IFIH1: variants seen among roughly 807,000 people sequenced by gnomAD.
IFIH1 encodes the protein interferon-induced helicase C domain-containing protein 1.
IFIH1 carries 125 observed loss-of-function variants against 107.4 expected under a neutral mutation model. That is an observed-to-expected ratio of 1.16 (90% CI 1.01 to 1.35). IFIH1 has a LOEUF of 1.35. Among genes scored for constraint, IFIH1 ranks in the 40% most tolerant of loss-of-function variants. The probability of loss-of-function intolerance (pLI) is 0.00; values close to 1 mark genes in which losing one functional copy is unlikely to be tolerated. For missense variants in IFIH1, 1,333 were observed against 1,213.7 expected, an observed-to-expected ratio of 1.10 and a Z score of -1.46; for synonymous variants, 458 against 413.2, an observed-to-expected ratio of 1.11 and a Z score of -1.31.
At chr2:162,289,252 A>G (rs1682953290) in intron 4 of IFIH1, among the ~76,000 whole-genome samples, 1 of 151,800 alleles carries the variant, frequency 6.6e-6, no homozygotes, top group Admixed American at 6.6e-5. Flanking sequence ...TGGATTTTAA[A>G]TTTAAAATAC....
chr2:162,302,928 G>T (rs1210752931), intron 3 of IFIH1, among the ~76,000 whole-genome samples: 1 of 152,184 alleles, frequency 6.6e-6, no homozygotes, highest in Non-Finnish European at 1.5e-5. Context: ...CCATTAAGAT[G>T]TTTGTGAATT....
intron 15 of IFIH1, 22 bp from the exon 16 acceptor site, chr2:162,267,401 A>C: frequency 6.2e-7 from 1 of 1,613,978 alleles, no homozygotes; most frequent in Non-Finnish European, 8.5e-7. Flanking sequence ...AAGAGAGAGC[A>C]AGAGGAAAAT....
chr2:162,276,910 GGGTTTTCA>G lies in IFIH1; in HGVS notation c.2073_2080del (p.Glu692ArgfsTer3). On this transcript the variant is annotated frameshift_variant, in exon 11 of 16. Coordinates refer to ENST00000649979, the MANE Select transcript of IFIH1 (RefSeq NM_022168.4). LOFTEE classifies it high-confidence loss of function. ...GGTCAGCTTTTCATTTTCATATTCT[GGGTTTTCA>G]GCCAGCCTTTTCAACATTTTATTGT... The G allele has an allele frequency of 6.2e-7, 1 of 1,609,368 alleles. No individual in the cohort carries two copies. Among genetic ancestry groups the G allele is most frequent in the Non-Finnish European group, 8.5e-7 (1 of 1,178,416 alleles).
At position 162,317,844 on chromosome 2, in the gene IFIH1, C is replaced by A; in HGVS notation, c.453+11G>T. The A allele has an allele frequency of 6.4e-7, 1 of 1,555,476 alleles. No individual in the cohort carries two copies. Among genetic ancestry groups the A allele is most frequent in the Admixed American group, 1.9e-5 (1 of 51,382 alleles). ...GCCTAAAAGGCTAGCTCCATCTGAA[C>A]AGACACCTACCCGGTTTCTGTCTTC... is the stretch of plus-strand genomic sequence containing the variant. On this transcript the variant is annotated intron_variant, in intron 1 of 15. Transcript: ENST00000649979.
chr2:162,284,468 G>A (rs941518107), intron 5 of IFIH1, among the ~76,000 whole-genome samples: 15 of 151,940 alleles, frequency 9.9e-5, no homozygotes, highest in African/African-American at 3.6e-4. Context: ...AGAGGATGCT[G>A]TATTGTCAGT....
intron 13 of IFIH1, 50 bp downstream of exon 13, chr2:162,272,176 C>A (rs778093176): frequency 1.2e-5 from 18 of 1,465,346 alleles, no homozygotes; most frequent in Non-Finnish European, 1.7e-5. Context: ...ATGGCAACCA[C>A]ATGCCGCCAT....
At chr2:162,273,553 G>A (rs550072028) in intron 12 of IFIH1, among the ~76,000 whole-genome samples, 1 of 152,230 alleles carries the variant, frequency 6.6e-6, no homozygotes, top group South Asian at 2.1e-4. Context: ...AAGCCTTAGG[G>A]TACAGAAATA....
intron 4 of IFIH1, among the ~76,000 whole-genome samples, chr2:162,288,985 T>A (rs1035640888): frequency 2.0e-5 from 3 of 151,290 alleles, no homozygotes; most frequent in African/African-American, 7.3e-5. Context: ...AAGTTCCTTT[T>A]TCCATCTGAG....
chr2:162,284,661 G>T (rs139409390), intron 5 of IFIH1, among the ~76,000 whole-genome samples: 4,500 of 151,960 alleles, frequency 0.03, 402 homozygotes, highest in Admixed American at 0.21. Context: ...GAAAAAATGA[G>T]AATAATAAAG....
Position 162,288,035 on chromosome 2 carries a change from AAC to A in IFIH1, c.1095+98_1095+99del. 7.2e-6 allele frequency: 5 copies of A among 693,722 alleles called. No individual in the cohort carries two copies. In the South Asian group the frequency reaches 9.4e-5, roughly 13 times the overall value. The allele number at this position is 693,722 out of a possible 1,614,324, so 43.0% of individuals were successfully genotyped here. ...CTTATTTTGACATTACTCTTAATTA[AAC>A]TAAACATGTGTGAGTCAATGACACA... On this transcript the variant is annotated intron_variant, in intron 5 of 15. Coordinates refer to ENST00000649979, the MANE Select transcript of IFIH1 (RefSeq NM_022168.4).
In IFIH1 at chr2:162,267,139, T is replaced by C. The variant is rs1265104847; in HGVS notation, c.*61A>G. 1.7e-6 allele frequency: 2 copies of C among 1,184,512 alleles called. No individual in the cohort carries two copies. Among genetic ancestry groups the C allele is most frequent in the Non-Finnish European group, 2.4e-6 (2 of 835,434 alleles). The allele number at this position is 1,184,512 out of a possible 1,614,324, so 73.4% of individuals were successfully genotyped here. ...TCAGTTCTGTAGCATAATGAATACA[T>C]TAATCATAATCATATTAAATGTTTA... On this transcript the variant is annotated 3_prime_UTR_variant, in exon 16 of 16. Coordinates refer to ENST00000649979, the MANE Select transcript of IFIH1 (RefSeq NM_022168.4).
intron 12 of IFIH1, 126 bp from the exon 13 acceptor site, chr2:162,272,513 C>T: frequency 1.3e-6 from 1 of 745,762 alleles, no homozygotes; most frequent in Non-Finnish European, 2.2e-6. Context: ...TGCCAGTCTT[C>T]AAATGGGTAA....
chr2:162,286,284 T>C (rs931174602), intron 5 of IFIH1, among the ~76,000 whole-genome samples: 1 of 151,940 alleles, frequency 6.6e-6, no homozygotes, highest in Middle Eastern at 3.2e-3. Context: ...AATTAGGACT[T>C]CGTGTGGTTG....
At chr2:162,304,698 C>A (rs575513402) in intron 3 of IFIH1, among the ~76,000 whole-genome samples, 3 of 152,204 alleles carry the variant, frequency 2.0e-5, no homozygotes, top group South Asian at 4.1e-4. Context: ...TTGTGAAATT[C>A]TTTTTCAGCA....
intron 12 of IFIH1, 96 bp downstream of exon 12, chr2:162,273,698 TA>T: frequency 1.1e-6 from 1 of 947,654 alleles, no homozygotes; most frequent in Non-Finnish European, 1.5e-6. Context: ...TTTTAAAAAC[TA>T]AAAAGATGTT....
intron 3 of IFIH1, among the ~76,000 whole-genome samples, chr2:162,302,074 T>C (rs1275348168): frequency 6.6e-6 from 1 of 152,120 alleles, no homozygotes; most frequent in African/African-American, 2.4e-5. Flanking sequence ...ATGAAATCAC[T>C]CTCTAGAACA....
chr2:162,304,011 G>A (rs1273878883), intron 3 of IFIH1, among the ~76,000 whole-genome samples: 1 of 152,152 alleles, frequency 6.6e-6, no homozygotes, highest in Non-Finnish European at 1.5e-5. Context: ...TCCACACTCA[G>A]ATAGTGAATT....
intron 1 of IFIH1, among the ~76,000 whole-genome samples, 177 bp downstream of exon 1, chr2:162,317,678 G>T (rs1451843088): frequency 1.3e-5 from 2 of 152,178 alleles, no homozygotes; most frequent in African/African-American, 4.8e-5. Flanking sequence ...TAGAAAAGTA[G>T]TTCTTTTGTG....
At chr2:162,287,152 T>G (rs1236317500) in intron 5 of IFIH1, among the ~76,000 whole-genome samples, 1 of 151,900 alleles carries the variant, frequency 6.6e-6, no homozygotes, top group Admixed American at 6.6e-5. Flanking sequence ...ACTTAGCAGA[T>G]GCACACAAAA....
Sources: gnomAD v4.1 joint callset for allele counts (sites outside exome capture counted in the v4.1 genomes callset) on GRCh38, gnomAD v4.1.1 for gene constraint, MANE v1.5 for transcripts, NCBI Gene and HGNC (gene_info 2026-07-23, HGNC 2026-07-21) for gene names.